The following INTS11 variants were observed in gnomAD, a reference collection of about 807,000 sequenced individuals.
INTS11 encodes integrator complex subunit 11, also known as CPSF3-like protein.
A neutral mutation model predicts 78.6 loss-of-function variants in INTS11; 77 were observed. The observed-to-expected ratio is 0.98, with a 90% confidence interval of 0.81 to 1.18. INTS11 has a LOEUF of 1.18. INTS11 is among the 50% of genes most tolerant of loss of function. The pLI is 0.00. For missense variants in INTS11, 875 were observed against 825.9 expected (o/e 1.06, Z -0.73); for synonymous variants, 441 against 326.9 (o/e 1.35, Z -3.77).
At chr1:1,318,002 G>A (rs376267752) in intron 4 of INTS11, 1 of 152,144 alleles carries the variant, frequency 6.6e-6, no homozygotes, top group African/African-American at 2.4e-5. Flanking sequence ...CGAGTAGCTG[G>A]GACTGCAGGC....
At chr1:1,317,665 G>A (rs1642699199) in intron 4 of INTS11, 1 of 152,560 alleles carries the variant, frequency 6.6e-6, no homozygotes, top group African/African-American at 2.4e-5. Context: ...AACAGGCTGA[G>A]GATACATGTC....
chr1:1,312,299 TG>T lies in INTS11; in HGVS notation c.1533del (p.Phe511LeufsTer28), dbSNP rs1642251788. 1.3e-6 allele frequency: 2 copies of T among 1,549,266 alleles called. No individual in the cohort carries two copies. Among genetic ancestry groups the T allele is most frequent in the African/African-American group, 2.7e-5 (2 of 72,860 alleles). On this transcript the variant is annotated frameshift_variant, in exon 15 of 17. Coordinates refer to ENST00000435064, the MANE Select transcript of INTS11 (RefSeq NM_017871.6). LOFTEE classifies it high-confidence loss of function. ...GTGTCATGCAGGTGCACGCGGCAGG[TG>T]AAGCGCAGCTGGTGCTCAGCCAGAC... ...ELGLAEHQLRFTCRVHLHDTR... is the reference protein window; with the variant it reads ...ELGLAEHQLRXTCRVHLHDTR...
chr1:1,313,468 G>C (rs891979169), intron 10 of INTS11, 41 bp downstream of exon 10: 1 of 1,603,218 alleles, frequency 6.2e-7, no homozygotes, highest in Non-Finnish European at 8.5e-7. Flanking sequence ...CAACCCGTCG[G>C]CCTCCAGCTT....
rs1642245331 is a variant in INTS11 at position 1,312,251 on chromosome 1, A to G, written c.1582T>C (p.Leu528=). 9 of 1,541,498 alleles carry G rather than the reference A, an allele frequency of 5.8e-6. No individual in the cohort carries two copies. Among genetic ancestry groups the G allele is most frequent in the Non-Finnish European group, 7.9e-6 (9 of 1,141,844 alleles). ...CTCTTGAGGTGGCTGTAGACGCGCAATGCCGTCTCCTGCTCCTTGCGTGTG... is the reference window on the plus strand; with the variant it reads ...CTCTTGAGGTGGCTGTAGACGCGCAGTGCCGTCTCCTGCTCCTTGCGTGTG... ...HDTRKEQETA[L]RVYSHLKSVL... is the part of the protein sequence containing the mutation. Residue 528 remains leucine (L), a synonymous_variant, in exon 15 of 17, where the codon TTG becomes CTG. Transcript: ENST00000435064.
intron 1 of INTS11, 116 bp downstream of exon 1, chr1:1,324,465 A>G (rs897990179): frequency 1.8e-6 from 2 of 1,099,868 alleles, no homozygotes. Context: ...AGGAGACCGG[A>G]GGACGCCCGC....
Position 1,312,018 on chromosome 1 carries a change from C to T in INTS11, c.1737G>A (p.Gln579=). The change falls in exon 16 of 17, where the codon CAG becomes CAA. Residue 579 remains glutamine (Q), a splice_region_variant and synonymous_variant. Transcript: ENST00000435064. The part of the protein sequence containing the change: ...TKVLLVSWTY[Q]DEELGSFLTS... Reference sequence around the variant, plus strand: ...CGGTGGGGTGGGGGTCACCCCTTACCTGGTAGGTCCAGGAGACCAGCAGCA... The same window carrying T: ...CGGTGGGGTGGGGGTCACCCCTTACTTGGTAGGTCCAGGAGACCAGCAGCA... The T allele has an allele frequency of 6.3e-7, 1 of 1,580,352 alleles. No individual in the cohort carries two copies. Among genetic ancestry groups the T allele is most frequent in the Non-Finnish European group, 8.6e-7 (1 of 1,163,236 alleles).
rs759319376 is a variant in INTS11 at position 1,312,012 on chromosome 1, C to T, written c.1737+6G>A. 19 of 1,581,454 alleles carry T rather than the reference C, an allele frequency of 1.2e-5. No individual in the cohort carries two copies. Among genetic ancestry groups the T allele is most frequent in the Non-Finnish European group, 1.5e-5 (18 of 1,164,244 alleles). On this transcript the variant is annotated splice_donor_region_variant and intron_variant, in intron 16 of 16. Transcript: ENST00000435064. Reference sequence around the variant, plus strand: ...TGACCGCGGTGGGGTGGGGGTCACCCCTTACCTGGTAGGTCCAGGAGACCA... The same window carrying T: ...TGACCGCGGTGGGGTGGGGGTCACCTCTTACCTGGTAGGTCCAGGAGACCA...
chr1:1,321,905 C>A, intron 1 of INTS11: 1 of 1,312,856 alleles, frequency 7.6e-7, no homozygotes. Flanking sequence ...GAATCCCACC[C>A]ACCTCCCCCT....
Position 1,312,219 on chromosome 1 carries a change from C to T in INTS11, c.1607+7G>A, listed in dbSNP as rs1441951858. The stretch of plus-strand genomic sequence containing the variant: ...GGAGTGGGGGGGGGGCGGGGCCGGG[C>T]GCCCACCTCTTGAGGTGGCTGTAGA... On this transcript the variant is annotated splice_region_variant and intron_variant, in intron 15 of 16. Transcript: ENST00000435064. 6.9e-6 allele frequency: 10 copies of T among 1,442,898 alleles called. No individual in the cohort carries two copies. The East Asian group carries it at 7.2e-5, about 10-fold the overall frequency. The allele number at this position is 1,442,898 out of a possible 1,614,324, so 89.4% of individuals were successfully genotyped here. A position where few individuals can be genotyped will look rare whatever the true frequency, so the allele number is the denominator to read the frequency against.
chr1:1,324,624 C>T lies in INTS11; in HGVS notation c.-16G>A, dbSNP rs1557648433. ...TCTCAGGCATCGTCTCCGCCGCGCT[C>T]CCGGACCCGCGAGGCCCGCCTGCGG... On this transcript the variant is annotated 5_prime_UTR_variant, in exon 1 of 17. Transcript: ENST00000435064. 1 of 1,598,926 alleles carries T rather than the reference C, an allele frequency of 6.3e-7. No homozygotes were observed. The highest frequency in any genetic ancestry group is 1.1e-5 in the South Asian group (1 of 89,308).
chr1:1,322,880 C>G (rs1027267994), intron 1 of INTS11: 1 of 1,209,364 alleles, frequency 8.3e-7, no homozygotes, highest in African/African-American at 1.5e-5. Flanking sequence ...AGGACTTCGG[C>G]TTTGATGATA....
At chr1:1,321,819 C>A in intron 1 of INTS11, 1 of 1,022,984 alleles carries the variant, frequency 9.8e-7, no homozygotes. Flanking sequence ...CCTGGGGGCC[C>A]GAGAGGAAAG....
At chr1:1,313,963 G>C in intron 8 of INTS11, 42 bp from the exon 9 acceptor site, 1 of 1,586,086 alleles carries the variant, frequency 6.3e-7, no homozygotes, top group Non-Finnish European at 8.6e-7. Context: ...CCACAGGGGA[G>C]AATGCTGCAG....
At chr1:1,318,684 G>T in intron 4 of INTS11, 1 of 447,878 alleles carries the variant, frequency 2.2e-6, no homozygotes. Context: ...CAACAAAAAA[G>T]ATAAACATAC....
intron 3 of INTS11, chr1:1,320,180 T>C: frequency 4.6e-6 from 2 of 434,158 alleles, no homozygotes; most frequent in Non-Finnish European, 8.5e-6. Context: ...CAGTGGGGTT[T>C]AAAGATCCTG....
chr1:1,315,435 C>T lies in INTS11; in HGVS notation c.532G>A (p.Asp178Asn), dbSNP rs1001435385. Residue 178 changes from aspartate to asparagine, a missense_variant, in exon 6 of 17, where the codon GAT becomes AAT. Physicochemically the swap from Asp to Asn is conservative, Grantham distance 23 (BLOSUM62 1). Transcript: ENST00000435064. ...VGSESVVYTG[D>N]YNMTPDRHLG... ...TGTCGGTCTGGGGTCATGTTATAATCACCCTGGTGAACGATCAAGGATGCC... is the reference window on the plus strand; with the variant it reads ...TGTCGGTCTGGGGTCATGTTATAATTACCCTGGTGAACGATCAAGGATGCC... 2 of 1,613,118 alleles carry T rather than the reference C, an allele frequency of 1.2e-6. No individual in the cohort carries two copies. Among genetic ancestry groups the T allele is most frequent in the Non-Finnish European group, 1.7e-6 (2 of 1,179,946 alleles).
Position 1,312,290 on chromosome 1 carries a change from C to G in INTS11, c.1543G>C (p.Val515Leu), listed in dbSNP as rs747481892. 3 of 1,549,026 alleles carry G rather than the reference C, an allele frequency of 1.9e-6. No individual in the cohort carries two copies. Among genetic ancestry groups the G allele is most frequent in the African/African-American group, 2.7e-5 (2 of 72,968 alleles). ...TCCTTGCGTGTGTCATGCAGGTGCA[C>G]GCGGCAGGTGAAGCGCAGCTGGTGC... ...AEHQLRFTCR[V>L]HLHDTRKEQE... Residue 515 changes from valine to leucine, a missense_variant, in exon 15 of 17, where the codon GTG becomes CTG. Val to Leu is a conservative substitution (Grantham distance 32, BLOSUM62 1). Coordinates refer to ENST00000435064, the MANE Select transcript of INTS11 (RefSeq NM_017871.6).
At chr1:1,319,094 C>T (rs756318621) in intron 4 of INTS11, 20 of 740,992 alleles carry the variant, frequency 2.7e-5, no homozygotes, top group African/African-American at 3.4e-5. Flanking sequence ...CGTGCTCTCC[C>T]GGGTCGGCGC....
In INTS11 at chr1:1,313,828, G is replaced by A. The variant is rs886708953; in HGVS notation, c.861C>T (p.Asn287=). The A allele has an allele frequency of 3.1e-6, 5 of 1,613,382 alleles. No homozygotes were observed. The highest frequency in any genetic ancestry group is 1.3e-5 in the African/African-American group (1 of 74,934). Residue 287 remains asparagine (N), a synonymous_variant, in exon 9 of 17, where the codon AAC becomes AAT. Transcript: ENST00000435064. The part of the protein sequence containing the change: ...HYYKLFIPWT[N]QKIRKTFVQR... The stretch of plus-strand genomic sequence containing the variant: ...GCACGAAAGTCTTGCGGATCTTCTG[G>A]TTGGTCCAGGGGATGAACAGCTTGT...
Sources: gnomAD v4.1 joint callset for allele counts on GRCh38, gnomAD v4.1.1 for gene constraint, MANE v1.5 for transcripts, NCBI Gene and HGNC (gene_info 2026-07-23, HGNC 2026-07-21) for gene names.